Variants in IL18 observed in about 807,000 individuals in gnomAD.
The protein encoded by IL18 is interleukin 18, also known as interleukin-18.
Under a neutral mutation model 14.2 loss-of-function variants are expected in IL18, and 8 were observed. That is an observed-to-expected ratio of 0.56 (90% confidence interval 0.33 to 1.01). The LOEUF (loss-of-function observed/expected upper bound fraction) is 1.01. IL18 is among the 50% of genes least tolerant of loss of function. The pLI, the probability that IL18 is intolerant of heterozygous loss-of-function variation, is 0.03. For missense variants in IL18, 166 were observed against 231.1 expected, an observed-to-expected ratio of 0.72 and a Z score of 1.83; for synonymous variants, 67 against 71.0, an observed-to-expected ratio of 0.94 and a Z score of 0.28.
intron 1 of IL18, among the ~76,000 whole-genome samples, chr11:112,161,567 G>A (rs976175978): frequency 6.6e-6 from 1 of 152,224 alleles, no homozygotes; most frequent in Non-Finnish European, 1.5e-5. Flanking sequence ...GGGAGGCCGA[G>A]GCGGCTGGAT....
intron 5 of IL18, among the ~76,000 whole-genome samples, chr11:112,146,933 T>C (rs1866354250): frequency 6.7e-6 from 1 of 149,926 alleles, no homozygotes; most frequent in Admixed American, 6.6e-5. Flanking sequence ...TTTACTTTTT[T>C]TTTTTTTTTT....
chr11:112,155,135 G>A, intron 1 of IL18, 74 bp from the exon 2 acceptor site: 1 of 834,572 alleles, frequency 1.2e-6, no homozygotes, highest in Non-Finnish European at 2.0e-6. Context: ...CTACCTTCAA[G>A]TTCAGTGGTC....
chr11:112,158,399 T>C (rs1159509778), intron 1 of IL18, among the ~76,000 whole-genome samples: 3 of 152,192 alleles, frequency 2.0e-5, no homozygotes, highest in Admixed American at 6.5e-5. Context: ...TTTTCAACTT[T>C]CTCAGCATTA....
rs554596662 is a variant in IL18, at chr11:112,143,275, T to A, written c.*321A>T. On this transcript the variant is annotated 3_prime_UTR_variant, in exon 6 of 6. Transcript: ENST00000280357. ...GTTCACATTATGAATTTTTTATTTG[T>A]TTATTTATTTATTTTATTTTTTGAG... 6.0e-6 allele frequency: 1 copy of A among 167,012 alleles called. No homozygotes were observed. Among genetic ancestry groups the A allele is most frequent in the Non-Finnish European group, 1.3e-5 (1 of 77,702 alleles). 10.3% of individuals were successfully genotyped at this position (167,012 alleles called of 1,614,324 possible). A position where few individuals can be genotyped will look rare whatever the true frequency, so the allele number is the denominator to read the frequency against.
At chr11:112,156,050 C>T (rs143202819) in intron 1 of IL18, among the ~76,000 whole-genome samples, 13 of 152,270 alleles carry the variant, frequency 8.5e-5, no homozygotes, top group Admixed American at 6.5e-5. Flanking sequence ...TTAGTCCTCA[C>T]AGTAGATCTT....
At chr11:112,145,418 A>T (rs745722227) in intron 5 of IL18, among the ~76,000 whole-genome samples, 1 of 152,242 alleles carries the variant, frequency 6.6e-6, no homozygotes, top group Non-Finnish European at 1.5e-5. Context: ...CTCTAGTAAC[A>T]TTACAGGGGA....
intron 1 of IL18, among the ~76,000 whole-genome samples, chr11:112,163,571 TA>T (rs1168413487): frequency 6.6e-6 from 1 of 150,700 alleles, no homozygotes; most frequent in East Asian, 1.9e-4. Flanking sequence ...CTTGTAAAAA[TA>T]AAAAAGTGTC....
At position 112,148,592 on chromosome 11, in the gene IL18, C is replaced by G; in HGVS notation, c.360+11G>C. 7 of 1,412,568 alleles carry G rather than the reference C, an allele frequency of 5.0e-6. No homozygotes were observed. Among genetic ancestry groups the G allele is most frequent in the Non-Finnish European group, 6.6e-6 (7 of 1,055,796 alleles). The allele number at this position is 1,412,568 out of a possible 1,614,324, so 87.5% of individuals were successfully genotyped here. The stretch of plus-strand genomic sequence containing the variant: ...TAACATGATTGAAAACAAAGTAAGG[C>G]TCAGTCTTACCTTAAAGGAAATAAT... On this transcript the variant is annotated intron_variant, in intron 5 of 5. Transcript: ENST00000280357.
chr11:112,144,879 TACTTGAA>T (rs1163932392), intron 5 of IL18, among the ~76,000 whole-genome samples: 2 of 152,236 alleles, frequency 1.3e-5, no homozygotes, highest in Non-Finnish European at 2.9e-5. Flanking sequence ...ATGGTTAGAT[TACTTGAA>T]ACTATAATCT....
intron 5 of IL18, among the ~76,000 whole-genome samples, chr11:112,148,176 A>G (rs1866374236): frequency 6.6e-6 from 1 of 152,246 alleles, no homozygotes; most frequent in African/African-American, 2.4e-5. Context: ...AAATATTATC[A>G]TAATTTACAA....
At position 112,164,055 on chromosome 11, in the gene IL18, TC is replaced by T. The variant is rs1484848402; in HGVS notation, c.-159del. ...AGGGCAAAATGCACTGGGAGACAAT[TC>T]CTTGCTGACTGTCCAGGCAGTCGCC... On this transcript the variant is annotated 5_prime_UTR_variant, in exon 1 of 6. Coordinates refer to ENST00000280357, the MANE Select transcript of IL18 (RefSeq NM_001562.4). 1 of 152,394 alleles carries T rather than the reference TC, an allele frequency of 6.6e-6. No homozygotes were observed. The highest frequency in any genetic ancestry group is 1.5e-5 in the Non-Finnish European group (1 of 68,110). 9.4% of individuals were successfully genotyped at this position (152,394 alleles called of 1,614,324 possible). A position where few individuals can be genotyped will look rare whatever the true frequency, so the allele number is the denominator to read the frequency against.
intron 4 of IL18, among the ~76,000 whole-genome samples, chr11:112,149,330 G>A (rs931318558): frequency 1.3e-5 from 2 of 151,862 alleles, no homozygotes; most frequent in African/African-American, 4.8e-5. Context: ...ACAGTTTAAT[G>A]TGTATTACAA....
At chr11:112,162,880 T>C (rs1171607917) in intron 1 of IL18, among the ~76,000 whole-genome samples, 1 of 152,180 alleles carries the variant, frequency 6.6e-6, no homozygotes, top group Admixed American at 6.5e-5. Flanking sequence ...CAGATTTGGC[T>C]ATCCTGGGCT....
At chr11:112,152,336 G>C (rs1160267025) in intron 3 of IL18, among the ~76,000 whole-genome samples, 1 of 152,046 alleles carries the variant, frequency 6.6e-6, no homozygotes, top group Non-Finnish European at 1.5e-5. Flanking sequence ...CTCCTCATCA[G>C]CACTCCCCTA....
At chr11:112,144,263 C>T (rs3882892) in intron 5 of IL18, among the ~76,000 whole-genome samples, 24,686 of 152,198 alleles carry the variant, frequency 0.16, 2,698 homozygotes, top group Non-Finnish European at 0.25. Context: ...GACAGGGTCT[C>T]GCTCTGTTGC....
chr11:112,156,179 GAGGCCT>G (rs969791193), intron 1 of IL18, among the ~76,000 whole-genome samples: 13 of 152,132 alleles, frequency 8.5e-5, no homozygotes, highest in Non-Finnish European at 1.5e-4. Flanking sequence ...AGCATAATAT[GAGGCCT>G]AGCATGTATG....
At position 112,154,974 on chromosome 11, in the gene IL18, C is replaced by A. The variant is rs1005445531; in HGVS notation, c.79+1G>T. On this transcript the variant is annotated splice_donor_variant, in intron 2 of 5. Transcript: ENST00000280357. LOFTEE classifies it high-confidence loss of function. ...TATTTGTTCTATGGCATTAGCCTTA[C>A]CTATAAAGTAAAGCGTATTGTCAAT... 1.3e-6 allele frequency: 2 copies of A among 1,583,388 alleles called. No homozygotes were observed. Among genetic ancestry groups the A allele is most frequent in the Non-Finnish European group, 1.7e-6 (2 of 1,152,476 alleles).
At chr11:112,147,746 T>C (rs1482429689) in intron 5 of IL18, among the ~76,000 whole-genome samples, 1 of 151,952 alleles carries the variant, frequency 6.6e-6, no homozygotes, top group Non-Finnish European at 1.5e-5. Context: ...ACTAAGGTCA[T>C]ATCCTAACTG....
intron 1 of IL18, among the ~76,000 whole-genome samples, chr11:112,158,851 C>T (rs1316637526): frequency 6.6e-6 from 1 of 151,652 alleles, no homozygotes; most frequent in Non-Finnish European, 1.5e-5. Context: ...ATTTTTATAC[C>T]GTTGCCTAAT....
Sources: allele counts gnomAD v4.1 joint callset (sites outside exome capture counted in the v4.1 genomes callset), GRCh38; gene constraint gnomAD v4.1.1; transcripts MANE v1.5; gene names NCBI Gene and HGNC (gene_info 2026-07-23, HGNC 2026-07-21).